Variants in AK4 observed in about 807,000 individuals in gnomAD.
The protein encoded by AK4 is adenylate kinase 4, mitochondrial.
Under a neutral mutation model 24.6 loss-of-function variants are expected in AK4, and 13 were observed. The observed-to-expected ratio is 0.53, with a 90% confidence interval of 0.34 to 0.84. The LOEUF is 0.84. Ranked by LOEUF, AK4 falls within the 40% of genes least tolerant of loss-of-function variation. AK4 has a pLI of 0.01. For missense variants in AK4, 192 were observed against 288.2 expected (o/e 0.67, Z 2.42); for synonymous variants, 88 against 107.0 (o/e 0.82, Z 1.10).
At position 65,218,812 on chromosome 1, in the gene AK4, A is replaced by C; in HGVS notation, c.324A>C (p.Leu108=). ...EALDKICEVD[L]VISLNIPFET... is the part of the protein sequence containing the mutation. ...TGGACAAAATCTGTGAAGTGGATCT[A>C]GTGATCAGTTTGAATATTCCATTTG... The change falls in exon 3 of 5, where the codon CTA becomes CTC. Residue 108 remains leucine (L), a synonymous_variant. Coordinates refer to ENST00000327299, the MANE Select transcript of AK4 (RefSeq NM_013410.4). 2.5e-6 allele frequency: 4 copies of C among 1,602,244 alleles called. No homozygotes were observed. The highest frequency in any genetic ancestry group is 3.4e-6 in the Non-Finnish European group (4 of 1,175,268).
chr1:65,205,406 T>A (rs1651782981), intron 2 of AK4, among the ~76,000 whole-genome samples: 1 of 152,122 alleles, frequency 6.6e-6, no homozygotes, highest in Non-Finnish European at 1.5e-5. Flanking sequence ...AGCTAGTTTT[T>A]TATTTTTTGT....
intron 1 of AK4, among the ~76,000 whole-genome samples, chr1:65,189,325 C>T (rs1049513896): frequency 2.1e-5 from 3 of 142,120 alleles, no homozygotes; most frequent in Non-Finnish European, 4.5e-5. Flanking sequence ...GTTGCCCAGA[C>T]TGGAGTGCAA....
rs78199680 is a variant in AK4 at position 65,172,679 on chromosome 1, G to A, written c.146-18031G>A. Among the ~76,000 whole-genome samples, 934 of 152,146 alleles carry A rather than the reference G, an allele frequency of 6.1e-3. 6 individuals carry two copies. Among genetic ancestry groups the A allele is most frequent in the Non-Finnish European group, 9.9e-3 (671 of 68,000 alleles). ...ATAGAGACAACTGTGGGAATAGATT[G>A]TCCTACCCAGAAAGCAAAATCTGGC... On this transcript the variant is annotated intron_variant, in intron 1 of 4. Coordinates refer to ENST00000327299, the MANE Select transcript of AK4 (RefSeq NM_013410.4).
intron 1 of AK4, among the ~76,000 whole-genome samples, chr1:65,190,297 C>T (rs888244493): frequency 1.3e-5 from 2 of 151,490 alleles, no homozygotes; most frequent in South Asian, 2.1e-4. Context: ...TCCTGTTGCC[C>T]AGGCTGGCAT....
intron 2 of AK4, among the ~76,000 whole-genome samples, chr1:65,217,988 C>T (rs1652182302): frequency 6.6e-6 from 1 of 152,168 alleles, no homozygotes; most frequent in Non-Finnish European, 1.5e-5. Flanking sequence ...TAATAATTAA[C>T]ATATCCATCA....
chr1:65,161,414 CGCAT>C (rs1441263372), intron 1 of AK4, among the ~76,000 whole-genome samples: 1 of 152,096 alleles, frequency 6.6e-6, no homozygotes, highest in Non-Finnish European at 1.5e-5. Context: ...CATGGCGGTG[CGCAT>C]GCATGCAGGT....
In AK4 at chr1:65,179,748, T is replaced by C. The variant is rs570896958; in HGVS notation, c.146-10962T>C. Among the ~76,000 whole-genome samples the C allele has an allele frequency of 3.3e-5, 5 of 152,020 alleles. No individual in the cohort carries two copies. In the South Asian group the frequency reaches 1.0e-3, roughly 32 times the overall value. ...TACTCTGGAGGCTGAGGCGGGAGAA[T>C]CGCTTGAGTCTGGGAGGTCAAGTGT... On this transcript the variant is annotated intron_variant, in intron 1 of 4. Coordinates refer to ENST00000327299, the MANE Select transcript of AK4 (RefSeq NM_013410.4).
chr1:65,166,261 T>C (rs1650324876), intron 1 of AK4, among the ~76,000 whole-genome samples: 1 of 152,000 alleles, frequency 6.6e-6, no homozygotes, highest in Non-Finnish European at 1.5e-5. Context: ...ATAATCTTCC[T>C]TAGTGAATGT....
intron 1 of AK4, among the ~76,000 whole-genome samples, chr1:65,181,579 G>T (rs1307195445): frequency 1.3e-5 from 2 of 152,058 alleles, no homozygotes; most frequent in Non-Finnish European, 2.9e-5. Flanking sequence ...CAGAGACGGG[G>T]ATTCGCCATT....
intron 2 of AK4, among the ~76,000 whole-genome samples, chr1:65,193,352 T>C (rs1184089437): frequency 6.6e-6 from 1 of 152,182 alleles, no homozygotes; most frequent in East Asian, 1.9e-4. Context: ...CCTAGATCTC[T>C]GGGTCTGTGA....
rs149730510 is a variant in AK4 at position 65,180,870 on chromosome 1, C to G, written c.146-9840C>G. ...GTGATGTTTTGGCGAAGGGATGATA[C>G]CAGGGTGAGCAAGGCTTCTCCTAGT... is the stretch of plus-strand genomic sequence containing the variant. On this transcript the variant is annotated intron_variant, in intron 1 of 4. Transcript: ENST00000327299. 5.3e-5 allele frequency among the ~76,000 whole-genome samples: 8 copies of G among 152,188 alleles called. No homozygotes were observed. In the East Asian group the frequency reaches 1.5e-3, roughly 29 times the overall value.
intron 1 of AK4, among the ~76,000 whole-genome samples, chr1:65,169,893 G>A (rs1403651731): frequency 2.0e-5 from 3 of 152,024 alleles, no homozygotes; most frequent in African/African-American, 4.8e-5. Flanking sequence ...TTTTGTGTGT[G>A]TGTGTGGCCC....
At chr1:65,225,121 C>T (rs1447403484) in intron 4 of AK4, among the ~76,000 whole-genome samples, 2 of 152,110 alleles carry the variant, frequency 1.3e-5, no homozygotes, top group Non-Finnish European at 2.9e-5. Context: ...GGATGTAAAA[C>T]AACATTGAGA....
chr1:65,219,320 A>G (rs1557469113), intron 3 of AK4, among the ~76,000 whole-genome samples: 1 of 152,150 alleles, frequency 6.6e-6, no homozygotes, highest in African/African-American at 2.4e-5. Context: ...TTAAAGCAAC[A>G]TAACAATGTA....
chr1:65,219,905 C>T (rs1320276974), intron 3 of AK4, among the ~76,000 whole-genome samples: 1 of 152,138 alleles, frequency 6.6e-6, no homozygotes, highest in African/African-American at 2.4e-5. Context: ...TAATTCCTCC[C>T]TGATTTTCGC....
chr1:65,172,932 T>G (rs901891328), intron 1 of AK4, among the ~76,000 whole-genome samples: 1 of 149,406 alleles, frequency 6.7e-6, no homozygotes, highest in African/African-American at 2.5e-5. Context: ...ACATGATCTG[T>G]GCTCACTGCA....
At chr1:65,193,782 C>A (rs1169260764) in intron 2 of AK4, among the ~76,000 whole-genome samples, 1 of 152,246 alleles carries the variant, frequency 6.6e-6, no homozygotes, top group Non-Finnish European at 1.5e-5. Context: ...GAATGTGGAA[C>A]CCAGTGATAT....
In AK4 at chr1:65,148,440, C is replaced by G; in HGVS notation, c.33C>G (p.Leu11=). Residue 11 remains leucine, a synonymous_variant, in exon 1 of 5, where the codon CTC becomes CTG. Transcript: ENST00000327299. ...CCAAACTCCTGCGCGCGGTCATCCTCGGGCCGCCCGGCTCGGGCAAGGGCA... is the reference window on the plus strand; with the variant it reads ...CCAAACTCCTGCGCGCGGTCATCCTGGGGCCGCCCGGCTCGGGCAAGGGCA... The part of the protein sequence containing the change: MASKLLRAVI[L]GPPGSGKGTV... 6.4e-7 allele frequency: 1 copy of G among 1,563,756 alleles called. No individual in the cohort carries two copies. The highest frequency in any genetic ancestry group is 2.4e-5 in the East Asian group (1 of 41,890).
intron 1 of AK4, among the ~76,000 whole-genome samples, chr1:65,165,722 G>A (rs1022891804): frequency 1.3e-5 from 2 of 152,184 alleles, no homozygotes; most frequent in African/African-American, 4.8e-5. Context: ...GAAAACTGGA[G>A]CACAGCCAAG....
Sources: allele counts gnomAD v4.1 joint callset (sites outside exome capture counted in the v4.1 genomes callset), GRCh38; gene constraint gnomAD v4.1.1; transcripts MANE v1.5; gene names NCBI Gene and HGNC (gene_info 2026-07-23, HGNC 2026-07-21).